Variants in APBA2 observed in about 807,000 individuals in gnomAD.
APBA2 encodes the protein amyloid beta precursor protein binding family A member 2, also known as amyloid-beta A4 precursor protein-binding family A member 2.
APBA2 carries 30 observed loss-of-function variants against 75.0 expected under a neutral mutation model. The observed-to-expected ratio is 0.40, with a 90% CI of 0.30 to 0.54. The LOEUF (loss-of-function observed/expected upper bound fraction) is 0.54. APBA2 is among the 20% of genes least tolerant of loss of function. APBA2 has a pLI of 0.49. For missense variants in APBA2, 801 were observed against 1,016.1 expected (o/e 0.79, Z 2.88); for synonymous variants, 444 against 409.6 (o/e 1.08, Z -1.01).
chr15:28,919,889 T>C (rs2033881526), intron 1 of APBA2, among the ~76,000 whole-genome samples: 1 of 152,164 alleles, frequency 6.6e-6, no homozygotes, highest in Non-Finnish European at 1.5e-5. Flanking sequence ...GGGTGCTCCG[T>C]GTGGCGACAG....
intron 1 of APBA2, among the ~76,000 whole-genome samples, chr15:28,899,543 G>T (rs1166643826): frequency 6.6e-6 from 1 of 152,232 alleles, no homozygotes; most frequent in African/African-American, 2.4e-5. Flanking sequence ...CGTTGCAGCC[G>T]GTTGGAGGCT....
At position 29,054,037 on chromosome 15, in the gene APBA2, G is replaced by A. The variant is rs1445958494; in HGVS notation, c.153G>A (p.Leu51=). 1 of 1,613,836 alleles carries A rather than the reference G, an allele frequency of 6.2e-7. No individual in the cohort carries two copies. The highest frequency in any genetic ancestry group is 1.7e-5 in the Admixed American group (1 of 60,032). ...YVPEGLELAA[L]RPESPAPEEQ... ...CCGAGGGCCTGGAGCTGGCTGCCCT[G>A]CGGCCAGAGAGCCCCGCGCCAGAGG... The change falls in exon 4 of 15, where the codon CTG becomes CTA. Residue 51 remains leucine, a synonymous_variant. Coordinates refer to ENST00000683413, the MANE Select transcript of APBA2 (RefSeq NM_001353788.2). This position sits in a 1 kb window ranked among gnomAD's most constrained non-coding sequence, Gnocchi z 6.1.
At chr15:29,019,946 CAG>C (rs2039867399) in intron 3 of APBA2, among the ~76,000 whole-genome samples, 1 of 152,240 alleles carries the variant, frequency 6.6e-6, no homozygotes, top group East Asian at 1.9e-4. Context: ...GCAGTGTCAT[CAG>C]TTCCCGACAT....
intron 2 of APBA2, among the ~76,000 whole-genome samples, chr15:28,950,094 T>G (rs1226459829): frequency 1.3e-5 from 2 of 152,214 alleles, no homozygotes; most frequent in African/African-American, 4.8e-5. Context: ...TTTCCTTGTT[T>G]TTAATGACCT....
At chr15:29,080,707 G>A (rs951260571) in intron 6 of APBA2, among the ~76,000 whole-genome samples, 16 of 152,178 alleles carry the variant, frequency 1.1e-4, no homozygotes, top group African/African-American at 3.4e-4. Flanking sequence ...GCTGCTTAGA[G>A]GGTCACTGCC....
At chr15:29,023,604 C>T (rs1005282896) in intron 3 of APBA2, among the ~76,000 whole-genome samples, 1 of 150,596 alleles carries the variant, frequency 6.6e-6, no homozygotes, top group African/African-American at 2.4e-5. Context: ...TACAGGCGTC[C>T]GCCCCCATGC....
intron 2 of APBA2, among the ~76,000 whole-genome samples, chr15:28,959,277 G>A (rs1034768684): frequency 1.1e-4 from 17 of 152,110 alleles, no homozygotes; most frequent in African/African-American, 3.4e-4. Flanking sequence ...ATGAGCCTCC[G>A]CATTCAAATA....
intron 2 of APBA2, among the ~76,000 whole-genome samples, chr15:28,949,770 CTTG>C (rs1306175759): frequency 1.3e-5 from 2 of 152,164 alleles, no homozygotes; most frequent in African/African-American, 2.4e-5. Context: ...CACCCGGCCT[CTTG>C]TTGTTGTTAG....
chr15:28,958,816 C>CTTT (rs370050186), intron 2 of APBA2, among the ~76,000 whole-genome samples: 8,616 of 148,170 alleles, frequency 0.058, 585 homozygotes, highest in East Asian at 0.34. Flanking sequence ...TTATTCCCAA[C>CTTT]TTTTTTTTTT....
intron 1 of APBA2, among the ~76,000 whole-genome samples, chr15:28,887,095 C>G (rs1431786533): frequency 6.6e-6 from 1 of 152,240 alleles, no homozygotes; most frequent in Non-Finnish European, 1.5e-5. Context: ...GCCTGCTAGT[C>G]TTAACTTCGT....
At chr15:29,022,597 T>A (rs1283065496) in intron 3 of APBA2, among the ~76,000 whole-genome samples, 1 of 152,168 alleles carries the variant, frequency 6.6e-6, no homozygotes, top group African/African-American at 2.4e-5. Context: ...CTTTATCATA[T>A]GGTAAATCAT....
At chr15:28,933,713 A>G (rs1230585056) in intron 2 of APBA2, among the ~76,000 whole-genome samples, 1 of 152,240 alleles carries the variant, frequency 6.6e-6, no homozygotes, top group Non-Finnish European at 1.5e-5. Flanking sequence ...GGAGCCCGAC[A>G]GGTTGCGTGC....
chr15:29,043,427 G>A (rs1299572209), intron 3 of APBA2, among the ~76,000 whole-genome samples: 1 of 152,164 alleles, frequency 6.6e-6, no homozygotes, highest in South Asian at 2.1e-4. Context: ...AGGTATGGCT[G>A]CCCAAGGCTT....
At chr15:29,078,782 C>T (rs1210381565) in intron 6 of APBA2, among the ~76,000 whole-genome samples, 2 of 152,276 alleles carry the variant, frequency 1.3e-5, no homozygotes, top group South Asian at 2.1e-4. Context: ...CATTGCTTCT[C>T]GTTCTAGGCA....
chr15:28,933,353 G>T (rs1236409868), intron 2 of APBA2, among the ~76,000 whole-genome samples: 1 of 152,164 alleles, frequency 6.6e-6, no homozygotes, highest in African/African-American at 2.4e-5. Context: ...TGTGAGGACA[G>T]AGTGAGAAGC....
chr15:28,903,927 C>A (rs1220704530), intron 1 of APBA2, among the ~76,000 whole-genome samples: 1 of 152,086 alleles, frequency 6.6e-6, no homozygotes, highest in African/African-American at 2.4e-5. Flanking sequence ...GGAAGTGATT[C>A]CTACGGGTCT....
chr15:29,005,887 A>G (rs7169492), intron 3 of APBA2, among the ~76,000 whole-genome samples: 2,987 of 139,156 alleles, frequency 0.021, 102 homozygotes, highest in African/African-American at 0.088. Context: ...AAATAAATAA[A>G]TAAATATTGC....
In APBA2 at chr15:29,117,103, C is replaced by T. The variant is rs2045229214; in HGVS notation, c.2220C>T (p.Leu740=). ...KTMPAAMFRL[L]TGQETPLYI Reference sequence around the variant, plus strand: ...TGCCCGCCGCCATGTTCAGGCTCCTCACGGGTCAGGAGACCCCGCTGTACA... The same window carrying T: ...TGCCCGCCGCCATGTTCAGGCTCCTTACGGGTCAGGAGACCCCGCTGTACA... Residue 740 remains leucine (L), a synonymous_variant, in exon 15 of 15, where the codon CTC becomes CTT. Coordinates refer to ENST00000683413, the MANE Select transcript of APBA2 (RefSeq NM_001353788.2). 1 of 1,613,232 alleles carries T rather than the reference C, an allele frequency of 6.2e-7. No individual in the cohort carries two copies. The highest frequency in any genetic ancestry group is 1.3e-5 in the African/African-American group (1 of 74,926).
At chr15:28,992,537 C>A (rs1359570987) in intron 2 of APBA2, among the ~76,000 whole-genome samples, 1 of 152,160 alleles carries the variant, frequency 6.6e-6, no homozygotes, top group Non-Finnish European at 1.5e-5. Context: ...ACAGCCTCAG[C>A]AAAATATTCA....
Sources: allele counts gnomAD v4.1 joint callset (sites outside exome capture counted in the v4.1 genomes callset), GRCh38; gene constraint gnomAD v4.1.1; non-coding constraint Gnocchi (gnomAD v3.1); transcripts MANE v1.5; gene names NCBI Gene and HGNC (gene_info 2026-07-23, HGNC 2026-07-21).